Variants in CBLB observed in about 807,000 individuals in gnomAD.
The protein encoded by CBLB is Cbl proto-oncogene B.
A neutral mutation model predicts 104.9 loss-of-function variants in CBLB; 31 were observed. The observed-to-expected ratio is 0.30, with a 90% CI of 0.22 to 0.40. The LOEUF is 0.40. Ranked by LOEUF, CBLB falls within the 10% of genes least tolerant of loss-of-function variation. The pLI is 1.00. For missense variants in CBLB, 1,062 were observed against 1,214.6 expected (o/e 0.87, Z 1.87); for synonymous variants, 440 against 422.6 (o/e 1.04, Z -0.51).
intron 3 of CBLB, among the ~76,000 whole-genome samples, chr3:105,786,236 T>C (rs866627096): frequency 2.6e-4 from 39 of 152,322 alleles, no homozygotes; most frequent in African/African-American, 9.1e-4. Flanking sequence ...GCATTATCAA[T>C]AGTAACCTCT....
At chr3:105,739,946 AC>A (rs2075355796) in intron 7 of CBLB, among the ~76,000 whole-genome samples, 2 of 152,156 alleles carry the variant, frequency 1.3e-5, no homozygotes. Context: ...CTACTAAAAT[AC>A]AAAAAACTAG....
At chr3:105,866,707 A>C (rs1217895069) in intron 2 of CBLB, among the ~76,000 whole-genome samples, 1 of 152,142 alleles carries the variant, frequency 6.6e-6, no homozygotes, top group Non-Finnish European at 1.5e-5. Flanking sequence ...ACCCATCATG[A>C]TTTCTTCTTG....
At chr3:105,697,540 C>T (rs1254125130) in intron 12 of CBLB, among the ~76,000 whole-genome samples, 1 of 151,938 alleles carries the variant, frequency 6.6e-6, no homozygotes, top group Non-Finnish European at 1.5e-5. Context: ...ATAATTTGTC[C>T]TTCAACGTCA....
chr3:105,786,607 AC>A (rs2081058337), intron 3 of CBLB, among the ~76,000 whole-genome samples: 1 of 151,964 alleles, frequency 6.6e-6, no homozygotes, highest in South Asian at 2.1e-4. Flanking sequence ...CAAAAGAAAA[AC>A]CTCTTAGTTC....
intron 3 of CBLB, among the ~76,000 whole-genome samples, chr3:105,797,694 C>T (rs2082396074): frequency 6.6e-6 from 1 of 152,164 alleles, no homozygotes; most frequent in African/African-American, 2.4e-5. Context: ...CAATAAAATG[C>T]TTTTGAATTT....
At chr3:105,681,200 A>C in intron 16 of CBLB, 1 of 504,300 alleles carries the variant, frequency 2.0e-6, no homozygotes. Flanking sequence ...AAACTACTAG[A>C]GCACAAAGCT....
intron 6 of CBLB, among the ~76,000 whole-genome samples, chr3:105,742,046 T>G (rs550063069): frequency 3.6e-4 from 55 of 152,352 alleles, no homozygotes; most frequent in Admixed American, 1.3e-3. Flanking sequence ...CATTATCATT[T>G]ATGTATTCAT....
At chr3:105,869,443 C>A, upstream of CBLB, 1 of 1,308,420 alleles carries the variant, frequency 7.6e-7, no homozygotes, top group Non-Finnish European at 1.0e-6. Context: ...TCTTTTGTTT[C>A]ATAGCAACAG....
chr3:105,703,699 T>C (rs958315050), intron 11 of CBLB, among the ~76,000 whole-genome samples: 1 of 152,200 alleles, frequency 6.6e-6, no homozygotes, highest in Non-Finnish European at 1.5e-5. Flanking sequence ...TTTTAATGCA[T>C]ATAATGACCT....
intron 12 of CBLB, among the ~76,000 whole-genome samples, chr3:105,695,196 A>G (rs2068199053): frequency 6.6e-6 from 1 of 151,874 alleles, no homozygotes; most frequent in African/African-American, 2.4e-5. Context: ...TTATTTTAGG[A>G]CAAAGCATCC....
intron 4 of CBLB, among the ~76,000 whole-genome samples, chr3:105,764,740 A>G (rs2152938123): frequency 6.6e-6 from 1 of 152,354 alleles, no homozygotes; most frequent in South Asian, 2.1e-4. Flanking sequence ...GGCCTCTTGC[A>G]CCAAACAGTT....
chr3:105,684,987 G>T (rs1312763624), intron 14 of CBLB, among the ~76,000 whole-genome samples: 3 of 152,190 alleles, frequency 2.0e-5, no homozygotes, highest in Non-Finnish European at 4.4e-5. Context: ...AGTACATCAA[G>T]AAGGAAAATG....
rs181372678 is a variant in CBLB, at chr3:105,742,378, T to C, written c.846-1747A>G. Among the ~76,000 whole-genome samples, 224 of 152,306 alleles carry C rather than the reference T, an allele frequency of 1.5e-3. 1 individual carries two copies. The highest frequency in any genetic ancestry group is 1.2e-3 in the Non-Finnish European group (84 of 68,024). ...TATTTAGTAGTAGAGTGTAATTTCATCTTTGGACAAACTAGAATTTAAAAA... is the reference window on the plus strand; with the variant it reads ...TATTTAGTAGTAGAGTGTAATTTCACCTTTGGACAAACTAGAATTTAAAAA... On this transcript the variant is annotated intron_variant, in intron 6 of 18. Coordinates refer to ENST00000394030, the MANE Select transcript of CBLB (RefSeq NM_170662.5).
chr3:105,714,550 T>TA (rs1187862944), intron 10 of CBLB, among the ~76,000 whole-genome samples: 12 of 152,148 alleles, frequency 7.9e-5, no homozygotes, highest in African/African-American at 2.7e-4. Flanking sequence ...CAGTTCAAAA[T>TA]AGAGTTCATA....
At chr3:105,800,914 C>A (rs1340706583) in intron 3 of CBLB, among the ~76,000 whole-genome samples, 2 of 151,960 alleles carry the variant, frequency 1.3e-5, no homozygotes, top group Non-Finnish European at 2.9e-5. Flanking sequence ...CAGTACAATG[C>A]ACACTTTGTC....
intron 3 of CBLB, among the ~76,000 whole-genome samples, chr3:105,810,285 C>G (rs1323607263): frequency 6.6e-6 from 1 of 152,062 alleles, no homozygotes. Flanking sequence ...TTTACTATAG[C>G]ATGCTGTTAC....
At chr3:105,763,327 A>G (rs571869255) in intron 4 of CBLB, among the ~76,000 whole-genome samples, 1 of 152,210 alleles carries the variant, frequency 6.6e-6, no homozygotes, top group African/African-American at 2.4e-5. Context: ...ATGTGAGGAC[A>G]TGAGATATGG....
At chr3:105,703,460 C>A (rs2069572299) in intron 11 of CBLB, among the ~76,000 whole-genome samples, 1 of 152,126 alleles carries the variant, frequency 6.6e-6, no homozygotes, top group African/African-American at 2.4e-5. Flanking sequence ...AAAATTATGT[C>A]TTTAATATTA....
rs964916838 is a variant in CBLB, at chr3:105,741,462, C to T, written c.846-831G>A. ...CCATGCTGGAGTGCAGTGGCGCAAT[C>T]ACGGCTCACTGCAAGCTCCGCCTCC... is the stretch of plus-strand genomic sequence containing the variant. On this transcript the variant is annotated intron_variant, in intron 6 of 18. Transcript: ENST00000394030. 2.6e-5 allele frequency among the ~76,000 whole-genome samples: 4 copies of T among 152,282 alleles called. No individual in the cohort carries two copies. In the South Asian group the frequency reaches 8.3e-4, roughly 32 times the overall value.
Sources: gnomAD v4.1 joint callset for allele counts (sites outside exome capture counted in the v4.1 genomes callset) on GRCh38, gnomAD v4.1.1 for gene constraint, MANE v1.5 for transcripts, NCBI Gene and HGNC (gene_info 2026-07-23, HGNC 2026-07-21) for gene names.